B4GALT6: variants seen among roughly 807,000 people sequenced by gnomAD.
B4GALT6 encodes the protein beta-1,4-galactosyltransferase 6.
In B4GALT6, 14 loss-of-function variants were observed where a neutral mutation model predicts 46.3. That is an observed-to-expected ratio of 0.30 (90% CI 0.20 to 0.47). B4GALT6 has a LOEUF of 0.47. Among genes scored for constraint, B4GALT6 ranks in the 20% least tolerant of loss-of-function variants. The pLI is 0.99. For missense variants in B4GALT6, 386 were observed against 480.1 expected (o/e 0.80, Z 1.83); for synonymous variants, 168 against 162.0 (o/e 1.04, Z -0.28).
chr18:31,709,553 A>G, the B4GALT6 span, among the ~76,000 whole-genome samples: 47 of 126,812 alleles, frequency 3.7e-4, no homozygotes, highest in East Asian at 1.6e-3. Flanking sequence ...TAGGATATAT[A>G]TGTGTGTGTG....
the B4GALT6 span, among the ~76,000 whole-genome samples, chr18:31,700,431 CTATT>C: frequency 3.5e-4 from 26 of 74,606 alleles, no homozygotes; most frequent in Admixed American, 1.4e-3. Flanking sequence ...ATAAAATTGA[CTATT>C]TGTGTGTGTG....
At chr18:31,689,208 C>G (rs1354626713), upstream of B4GALT6, among the ~76,000 whole-genome samples, 1 of 152,138 alleles carries the variant, frequency 6.6e-6, no homozygotes, top group East Asian at 1.9e-4. Context: ...TTTTGCCTTA[C>G]AGGGAACCTG....
At chr18:31,701,553 AG>A in the B4GALT6 span, among the ~76,000 whole-genome samples, 1 of 152,192 alleles carries the variant, frequency 6.6e-6, no homozygotes, top group East Asian at 1.9e-4. Flanking sequence ...ATAGTCATAG[AG>A]AAGGAACAAT....
In B4GALT6 at chr18:31,666,306, C is replaced by T; in HGVS notation, c.182G>A (p.Gly61Asp). 6.2e-7 allele frequency: 1 copy of T among 1,610,204 alleles called. No homozygotes were observed. Among genetic ancestry groups the T allele is most frequent in the Non-Finnish European group, 8.5e-7 (1 of 1,178,064 alleles). The change falls in exon 2 of 9, where the codon GGT becomes GAT. Residue 61 changes from glycine to aspartate, a missense_variant. Transcript: ENST00000306851. ...ATTTGTGTACAGCCTGATCATATGA[C>T]CTATTGTTTTCACATTTTCTCTCAA... ...IMLRENVKTIGHMIRLYTNKN... is the reference protein window; with the variant it reads ...IMLRENVKTIDHMIRLYTNKN...
rs1036237745 is a variant in B4GALT6 at position 31,684,557 on chromosome 18, G to A, written c.-131C>T. 2.7e-6 allele frequency: 4 copies of A among 1,468,282 alleles called. No individual in the cohort carries two copies. Among genetic ancestry groups the A allele is most frequent in the Non-Finnish European group, 3.6e-6 (4 of 1,108,142 alleles). 91.0% of individuals were successfully genotyped at this position (1,468,282 alleles called of 1,614,324 possible). On this transcript the variant is annotated 5_prime_UTR_variant, in exon 1 of 9. Transcript: ENST00000306851. The stretch of plus-strand genomic sequence containing the variant: ...GCGGGGTCCGCGCGGGGAGGCTCTG[G>A]GGAGAGGGCCCGAGCGGAAAAGAGG...
chr18:31,719,983 T>C, the B4GALT6 span, among the ~76,000 whole-genome samples: 44 of 152,242 alleles, frequency 2.9e-4, no homozygotes, highest in African/African-American at 9.6e-4. Context: ...TCCTAAACTG[T>C]AATTTCTAAA....
the B4GALT6 span, among the ~76,000 whole-genome samples, chr18:31,697,789 A>G: frequency 6.6e-6 from 1 of 152,142 alleles, no homozygotes; most frequent in Non-Finnish European, 1.5e-5. Context: ...ATGTAGGTTG[A>G]TGGGTTTTTT....
intron 2 of B4GALT6, chr18:31,658,296 A>C (rs377381018): frequency 3.4e-5 from 16 of 465,002 alleles, no homozygotes; most frequent in Non-Finnish European, 3.5e-5. Context: ...ACATCTAGAG[A>C]GCAGCACACC....
intron 2 of B4GALT6, among the ~76,000 whole-genome samples, chr18:31,664,459 A>G (rs1000938817): frequency 6.6e-6 from 1 of 152,184 alleles, no homozygotes; most frequent in African/African-American, 2.4e-5. Flanking sequence ...AGCAAACTTT[A>G]ATCTAAGTAT....
At chr18:31,689,663 G>A (rs528868406), upstream of B4GALT6, among the ~76,000 whole-genome samples, 16 of 152,174 alleles carry the variant, frequency 1.1e-4, no homozygotes, top group Admixed American at 3.9e-4. Context: ...AGAATTGCTT[G>A]AACCCGGGAG....
At chr18:31,693,876 G>C in the B4GALT6 span, among the ~76,000 whole-genome samples, 3 of 152,178 alleles carry the variant, frequency 2.0e-5, no homozygotes, top group Non-Finnish European at 1.5e-5. Flanking sequence ...GCTGAGGTGG[G>C]AGGGTCACTT....
intron 5 of B4GALT6, among the ~76,000 whole-genome samples, chr18:31,634,797 T>G (rs952647365): frequency 6.6e-6 from 1 of 152,228 alleles, no homozygotes; most frequent in Non-Finnish European, 1.5e-5. Context: ...AATCTCACTC[T>G]ATCAAATACA....
At chr18:31,655,900 A>T (rs2074132120) in intron 3 of B4GALT6, among the ~76,000 whole-genome samples, 1 of 150,938 alleles carries the variant, frequency 6.6e-6, no homozygotes, top group African/African-American at 2.4e-5. Flanking sequence ...TCACCTGAGA[A>T]TTTTTTTTTT....
At chr18:31,667,326 C>A (rs1368409402) in intron 1 of B4GALT6, among the ~76,000 whole-genome samples, 1 of 152,138 alleles carries the variant, frequency 6.6e-6, no homozygotes, top group African/African-American at 2.4e-5. Flanking sequence ...GGCAGAGGCT[C>A]ACTATCATGG....
Position 31,668,080 on chromosome 18 carries a change from G to C in B4GALT6, c.116-1708C>G, listed in dbSNP as rs1249791541. On this transcript the variant is annotated intron_variant, in intron 1 of 8. Transcript: ENST00000306851. ...CCACTGCACTCCAGCCTGGGCGAGG[G>C]AGCAAGACTCCATCTCAAAAAAAAA... is the stretch of plus-strand genomic sequence containing the variant. Among the ~76,000 whole-genome samples, 5 of 147,286 alleles carry C rather than the reference G, an allele frequency of 3.4e-5. No individual in the cohort carries two copies. The Admixed American group carries it at 3.4e-4, about 10-fold the overall frequency.
intron 4 of B4GALT6, among the ~76,000 whole-genome samples, chr18:31,644,054 G>A (rs978842193): frequency 1.3e-5 from 2 of 152,266 alleles, no homozygotes; most frequent in South Asian, 4.2e-4. Flanking sequence ...ACAAATGTGA[G>A]GAAAATCAAT....
At chr18:31,714,372 G>A in the B4GALT6 span, among the ~76,000 whole-genome samples, 2 of 152,254 alleles carry the variant, frequency 1.3e-5, no homozygotes, top group Middle Eastern at 3.4e-3. Flanking sequence ...TGCTCCCCCA[G>A]GACCACTCCA....
chr18:31,717,482 A>G, the B4GALT6 span, among the ~76,000 whole-genome samples: 5 of 152,212 alleles, frequency 3.3e-5, no homozygotes, highest in Non-Finnish European at 7.3e-5. Flanking sequence ...TCTGCATATA[A>G]AACATATACC....
chr18:31,676,962 C>T (rs1376973917), intron 1 of B4GALT6, among the ~76,000 whole-genome samples: 2 of 152,156 alleles, frequency 1.3e-5, no homozygotes, highest in Non-Finnish European at 2.9e-5. Flanking sequence ...AAACAGTAGA[C>T]CCTTCCTTCC....
Sources: gnomAD v4.1 joint callset for allele counts (sites outside exome capture counted in the v4.1 genomes callset) on GRCh38, gnomAD v4.1.1 for gene constraint, MANE v1.5 for transcripts, NCBI Gene and HGNC (gene_info 2026-07-23, HGNC 2026-07-21) for gene names.